The following ESRRG variants were observed in gnomAD, a reference collection of about 807,000 sequenced individuals.
ESRRG encodes estrogen-related receptor gamma.
ESRRG carries 13 observed loss-of-function variants against 44.0 expected under a neutral mutation model. That is an observed-to-expected ratio of 0.30 (90% CI 0.19 to 0.47). The LOEUF is 0.47. Among genes scored for constraint, ESRRG ranks in the 20% least tolerant of loss-of-function variants. ESRRG has a pLI of 1.00. For synonymous variants in ESRRG, 215 were observed against 214.6 expected, an observed-to-expected ratio of 1.00 and a Z score of -0.02; for missense variants, 395 against 580.6, an observed-to-expected ratio of 0.68 and a Z score of 3.29.
chr1:216,684,373 C>T (rs180914561), intron 1 of ESRRG, among the ~76,000 whole-genome samples: 46 of 152,294 alleles, frequency 3.0e-4, no homozygotes, highest in African/African-American at 6.0e-4. Context: ...GATGCAGAGG[C>T]GCTTAGTAGT....
intron 1 of ESRRG, among the ~76,000 whole-genome samples, chr1:217,051,102 T>C (rs374031074): frequency 4.0e-5 from 6 of 151,282 alleles, no homozygotes; most frequent in Non-Finnish European, 7.4e-5. Context: ...TCTTATTTCA[T>C]ATCCAGGATC....
chr1:216,688,177 C>T (rs530052384), intron 1 of ESRRG, among the ~76,000 whole-genome samples: 4 of 152,252 alleles, frequency 2.6e-5, no homozygotes, highest in African/African-American at 9.6e-5. Context: ...AGAAAGCAGG[C>T]GAGCCTGCTT....
intron 1 of ESRRG, among the ~76,000 whole-genome samples, chr1:217,085,508 TTTA>T (rs2092030826): frequency 7.3e-6 from 1 of 136,764 alleles, no homozygotes. Context: ...TTTTTTTTTT[TTTA>T]GACGAAGTCT....
chr1:216,562,406 C>T (rs569878138), intron 5 of ESRRG, among the ~76,000 whole-genome samples: 245 of 152,264 alleles, frequency 1.6e-3, no homozygotes, highest in Non-Finnish European at 2.9e-3. Context: ...TTTTACCTCT[C>T]TCTACCTCAA....
chr1:216,811,209 GATAAT>G (rs1227090070), intron 2 of ESRRG, among the ~76,000 whole-genome samples: 1 of 152,008 alleles, frequency 6.6e-6, no homozygotes. Flanking sequence ...AATAAGATGA[GATAAT>G]ATAAATATTT....
rs1483416629 is a variant in ESRRG, at chr1:216,832,835, A to G, written c.-14+106747T>C. ...AAAAATAAACACAAAAGTTAGCCAG[A>G]TGTAGTGATGTGTGCCTGTAATCCC... is the stretch of plus-strand genomic sequence containing the variant. On this transcript the variant is annotated intron_variant, in intron 2 of 7. Transcript: ENST00000359162. Among the ~76,000 whole-genome samples the G allele has an allele frequency of 3.3e-5, 5 of 151,984 alleles. No individual in the cohort carries two copies. In the East Asian group the frequency reaches 9.7e-4, roughly 29 times the overall value.
At chr1:217,082,424 T>C (rs528780963) in intron 1 of ESRRG, among the ~76,000 whole-genome samples, 15 of 152,190 alleles carry the variant, frequency 9.9e-5, no homozygotes, top group African/African-American at 2.4e-4. Flanking sequence ...TTTATAATTA[T>C]AAAGGTTCAA....
Position 216,771,020 on chromosome 1 carries a change from T to A in ESRRG, c.-13-93529A>T, listed in dbSNP as rs567026015. Among the ~76,000 whole-genome samples the A allele has an allele frequency of 1.5e-3, 221 of 152,252 alleles. 1 individual carries two copies. The highest frequency in any genetic ancestry group is 2.6e-3 in the Non-Finnish European group (174 of 68,008). On this transcript the variant is annotated intron_variant, in intron 2 of 7. Coordinates refer to the ESRRG transcript ENST00000359162. ...CACCAATTCCACTTTTTGTCTTGTT[T>A]TTAAAGACAGGTTCTTGCTATGTTG...
intron 2 of ESRRG, among the ~76,000 whole-genome samples, chr1:216,672,298 C>A (rs1469800049): frequency 1.3e-5 from 2 of 152,076 alleles, no homozygotes; most frequent in African/African-American, 4.8e-5. Context: ...GGCTTCTACC[C>A]AACTAAATGC....
intron 1 of ESRRG, among the ~76,000 whole-genome samples, chr1:216,681,138 A>C (rs1313421945): frequency 6.6e-6 from 1 of 152,196 alleles, no homozygotes; most frequent in Admixed American, 6.5e-5. Flanking sequence ...TATGGTTACT[A>C]TTATTATTTT....
At chr1:216,879,157 T>C (rs1577574934) in intron 2 of ESRRG, among the ~76,000 whole-genome samples, 1 of 152,226 alleles carries the variant, frequency 6.6e-6, no homozygotes, top group East Asian at 1.9e-4. Flanking sequence ...ATTTATGTAA[T>C]TCTTTAGCAA....
At chr1:216,993,564 G>A (rs1178558338) in intron 1 of ESRRG, among the ~76,000 whole-genome samples, 2 of 152,200 alleles carry the variant, frequency 1.3e-5, no homozygotes, top group East Asian at 3.9e-4. Flanking sequence ...GCCTAAGGCA[G>A]AGACCGGAAT....
At chr1:217,069,153 C>T (rs558556012) in intron 1 of ESRRG, among the ~76,000 whole-genome samples, 35 of 152,200 alleles carry the variant, frequency 2.3e-4, no homozygotes, top group African/African-American at 6.0e-4. Flanking sequence ...CAGCTGTCAG[C>T]GTAGCTAGAA....
intron 3 of ESRRG, among the ~76,000 whole-genome samples, chr1:216,638,874 T>G (rs960082195): frequency 6.6e-6 from 1 of 152,208 alleles, no homozygotes; most frequent in Admixed American, 6.5e-5. Flanking sequence ...ACCCCAACTC[T>G]AGATGTTGTA....
chr1:216,801,580 T>C (rs1363676511), intron 2 of ESRRG, among the ~76,000 whole-genome samples: 1 of 152,172 alleles, frequency 6.6e-6, no homozygotes, highest in Non-Finnish European at 1.5e-5. Flanking sequence ...CGTTTCCTTT[T>C]CTGCACACCT....
At chr1:216,648,566 A>G (rs1374954895) in intron 3 of ESRRG, among the ~76,000 whole-genome samples, 1 of 152,160 alleles carries the variant, frequency 6.6e-6, no homozygotes, top group Non-Finnish European at 1.5e-5. Flanking sequence ...GCCCTTCAGG[A>G]TTGTTCCTGC....
intron 2 of ESRRG, among the ~76,000 whole-genome samples, chr1:216,811,705 G>A (rs1296372700): frequency 6.6e-6 from 1 of 152,036 alleles, no homozygotes; most frequent in Non-Finnish European, 1.5e-5. Context: ...AAAAGAACAC[G>A]CTAGAATAAA....
At chr1:216,602,112 T>C (rs1239774912) in intron 3 of ESRRG, among the ~76,000 whole-genome samples, 2 of 152,214 alleles carry the variant, frequency 1.3e-5, no homozygotes, top group Non-Finnish European at 2.9e-5. Flanking sequence ...ATTTTAAATA[T>C]AGTTGTTATA....
In ESRRG at chr1:216,677,147, A is replaced by G; in HGVS notation, c.401T>C (p.Ile134Thr). ...PKRLCLVCGDIASGYHYGVAS... is the reference protein window; with the variant it reads ...PKRLCLVCGDTASGYHYGVAS... The stretch of plus-strand genomic sequence containing the variant: ...TACCCCATAGTGGTACCCAGAAGCG[A>G]TGTCACCACACACTAAACACAGTCT... The change falls in exon 2 of 7, where the codon ATC becomes ACC. Residue 134 changes from isoleucine to threonine, a missense_variant. Ile to Thr is a moderately conservative substitution (Grantham distance 89). Transcript: ENST00000408911. 6.2e-7 allele frequency: 1 copy of G among 1,614,054 alleles called. No individual in the cohort carries two copies. Among genetic ancestry groups the G allele is most frequent in the Non-Finnish European group, 8.5e-7 (1 of 1,179,936 alleles).
Sources: allele counts gnomAD v4.1 joint callset (sites outside exome capture counted in the v4.1 genomes callset), GRCh38; gene constraint gnomAD v4.1.1; transcripts MANE v1.5; gene names NCBI Gene and HGNC (gene_info 2026-07-23, HGNC 2026-07-21).